DNAH6: variants seen among roughly 807,000 people sequenced by gnomAD.
DNAH6 encodes axonemal beta dynein heavy chain 6.
A neutral mutation model predicts 491.4 loss-of-function variants in DNAH6; 340 were observed. That is an observed-to-expected ratio of 0.69 (90% CI 0.63 to 0.76). The LOEUF (loss-of-function observed/expected upper bound fraction) is 0.76. Ranked by LOEUF, DNAH6 falls within the 30% of genes least tolerant of loss-of-function variation. The probability of loss-of-function intolerance (pLI) is 0.00; values close to 1 mark genes in which losing one functional copy is unlikely to be tolerated. For missense variants in DNAH6, 4,443 were observed against 4,972.2 expected (o/e 0.89, Z 3.20); for synonymous variants, 1,603 against 1,686.1 (o/e 0.95, Z 1.21).
rs1243956708 is a variant in DNAH6, at chr2:84,733,462, G to A, written c.10225G>A (p.Glu3409Lys). Residue 3409 changes from glutamate (E) to lysine (K), a missense_variant, in exon 62 of 77, where the codon GAA becomes AAA. Glu to Lys is a moderately conservative substitution (Grantham distance 56, BLOSUM62 1). Coordinates refer to ENST00000389394, the MANE Select transcript of DNAH6 (RefSeq NM_001370.2). ...CAAACAGGAACGCCCACCTAAGCCT[G>A]AAGCTCCCTGGCTACCTACTGCTAC... The part of the protein sequence containing the change: ...GLEKERPPKP[E>K]APWLPTATWF... 2 of 1,551,164 alleles carry A rather than the reference G, an allele frequency of 1.3e-6. No individual in the cohort carries two copies. The highest frequency in any genetic ancestry group is 1.7e-6 in the Non-Finnish European group (2 of 1,146,744).
chr2:84,599,140 C>A (rs376962693), intron 18 of DNAH6, among the ~76,000 whole-genome samples: 1 of 150,998 alleles, frequency 6.6e-6, no homozygotes, highest in East Asian at 1.9e-4. Context: ...GATTAAATGT[C>A]TGTTCAGATC....
rs1017595906 is a variant in DNAH6 at position 84,812,658 on chromosome 2, A to G, written c.11925+132A>G. 4 of 784,352 alleles carry G rather than the reference A, an allele frequency of 5.1e-6. No homozygotes were observed. In the Admixed American group the frequency reaches 8.7e-5, roughly 17 times the overall value. 48.6% of individuals were successfully genotyped at this position (784,352 alleles called of 1,614,324 possible). On this transcript the variant is annotated intron_variant, in intron 73 of 76. Coordinates refer to ENST00000389394, the MANE Select transcript of DNAH6 (RefSeq NM_001370.2). ...TGAGCCCAGAGAAAAAGAGATGTCC[A>G]GAATGGCATCACTTTAAAAGTCTTA... is the stretch of plus-strand genomic sequence containing the variant.
At chr2:84,679,953 A>C (rs950336811) in intron 41 of DNAH6, among the ~76,000 whole-genome samples, 1 of 152,222 alleles carries the variant, frequency 6.6e-6, no homozygotes, top group African/African-American at 2.4e-5. Flanking sequence ...TTTTACATAC[A>C]TATAACATAT....
chr2:84,817,218 G>A (rs919215342), intron 76 of DNAH6, among the ~76,000 whole-genome samples: 16 of 151,718 alleles, frequency 1.1e-4, no homozygotes, highest in African/African-American at 3.9e-4. Context: ...TAACCAAAGA[G>A]AAGAGACAAT....
the DNAH6 span, among the ~76,000 whole-genome samples, chr2:84,478,495 G>A: frequency 2.0e-5 from 3 of 152,174 alleles, no homozygotes; most frequent in Admixed American, 1.3e-4. Flanking sequence ...CACCTCTGAA[G>A]GGGAGGTTCC....
intron 62 of DNAH6, among the ~76,000 whole-genome samples, chr2:84,737,883 T>C (rs1014508014): frequency 2.6e-5 from 4 of 152,056 alleles, no homozygotes; most frequent in African/African-American, 9.7e-5. Context: ...TGGAGTTTCA[T>C]TTGTTTTATT....
intron 54 of DNAH6, 115 bp from the exon 55 acceptor site, chr2:84,709,228 C>A (rs965190474): frequency 1.9e-6 from 2 of 1,034,618 alleles, no homozygotes; most frequent in Non-Finnish European, 2.9e-6. Flanking sequence ...TCTGTGGAGA[C>A]TGGGAGGGCT....
the DNAH6 span, among the ~76,000 whole-genome samples, chr2:84,465,149 G>A: frequency 0.068 from 10,287 of 152,184 alleles, 767 homozygotes; most frequent in African/African-American, 0.18. Flanking sequence ...CATTCATAAC[G>A]CTTGAGTTTT....
intron 63 of DNAH6, among the ~76,000 whole-genome samples, chr2:84,747,251 CCAAGG>C (rs1673052131): frequency 6.6e-6 from 1 of 152,232 alleles, no homozygotes; most frequent in Non-Finnish European, 1.5e-5. Context: ...CATCTAAGAC[CCAAGG>C]CAAGTTCCTT....
In DNAH6 at chr2:84,765,175, T is replaced by A. The variant is rs545208200; in HGVS notation, c.10703+2230T>A. ...TATTATTTAGGAATTCATATTTTTT[T>A]AAAAAGTGTAAAGAAAGGTAGAGAA... On this transcript the variant is annotated intron_variant, in intron 64 of 76. Coordinates refer to ENST00000389394, the MANE Select transcript of DNAH6 (RefSeq NM_001370.2). Among the ~76,000 whole-genome samples the A allele has an allele frequency of 3.8e-4, 58 of 152,166 alleles. 1 individual carries two copies. In the East Asian group the frequency reaches 4.0e-3, roughly 11 times the overall value.
chr2:84,598,127 T>TTTTCTTTTTCTTTC (rs1553438007), intron 18 of DNAH6, among the ~76,000 whole-genome samples: 2 of 109,314 alleles, frequency 1.8e-5, no homozygotes. Flanking sequence ...TCTATCTTTC[T>TTTTCTTTTTCTTTC]TTTCTTTCTT....
chr2:84,756,019 C>T (rs1447874651), intron 63 of DNAH6, among the ~76,000 whole-genome samples: 3 of 152,230 alleles, frequency 2.0e-5, no homozygotes, highest in Non-Finnish European at 4.4e-5. Flanking sequence ...ACTTGCCATG[C>T]CATGATTGTG....
At chr2:84,561,354 G>T (rs950416178) in intron 11 of DNAH6, among the ~76,000 whole-genome samples, 4 of 152,132 alleles carry the variant, frequency 2.6e-5, no homozygotes, top group African/African-American at 7.2e-5. Context: ...GCTGAAACTG[G>T]ATCCCTTCCT....
intron 24 of DNAH6, 43 bp downstream of exon 24, chr2:84,619,947 T>C (rs751411754): frequency 1.4e-4 from 201 of 1,471,450 alleles, no homozygotes; most frequent in Non-Finnish European, 1.8e-4. Context: ...TGAACTTTGC[T>C]ACTCCTCTAG....
chr2:84,708,003 C>T (rs1257097958), intron 54 of DNAH6, among the ~76,000 whole-genome samples: 1 of 152,180 alleles, frequency 6.6e-6, no homozygotes, highest in Non-Finnish European at 1.5e-5. Context: ...GAGTCCCCTA[C>T]CCTTATGATC....
rs138502803 is a variant in DNAH6 at position 84,579,666 on chromosome 2, A to C, written c.2216A>C (p.Glu739Ala). The C allele has an allele frequency of 6.3e-7, 1 of 1,586,030 alleles. No homozygotes were observed. The highest frequency in any genetic ancestry group is 8.6e-7 in the Non-Finnish European group (1 of 1,169,334). The change falls in exon 14 of 77, where the codon GAA becomes GCA. Residue 739 changes from glutamate (E) to alanine (A), a missense_variant. By Grantham distance (107) the Glu-to-Ala change is moderately radical. This residue lies in a region of DNAH6 where 2,977 missense variants were observed against 3,296.6 expected (regional missense o/e 0.90). Coordinates refer to ENST00000389394, the MANE Select transcript of DNAH6 (RefSeq NM_001370.2). The part of the protein sequence containing the change: ...EYVHSLLFLD[E>A]IQERIESLED... ...GTTCATAGCTTATTATTTCTTGATG[A>C]AATTCAGGAACGGGTGAGTTGATTA...
At chr2:84,477,545 G>T in the DNAH6 span, among the ~76,000 whole-genome samples, 1 of 152,158 alleles carries the variant, frequency 6.6e-6, no homozygotes. Flanking sequence ...AGTGGGGATG[G>T]GGGGATAGCA....
chr2:84,573,327 T>C, intron 11 of DNAH6, 140 bp from the exon 12 acceptor site: 1 of 592,744 alleles, frequency 1.7e-6, no homozygotes, highest in Non-Finnish European at 2.8e-6. Flanking sequence ...TATATCTTTC[T>C]TCATTCATGT....
intron 29 of DNAH6, among the ~76,000 whole-genome samples, chr2:84,627,520 G>T (rs1399436905): frequency 6.6e-6 from 1 of 152,152 alleles, no homozygotes; most frequent in Non-Finnish European, 1.5e-5. Context: ...AACTGATCAT[G>T]GCTTAATACA....
Sources: gnomAD v4.1 joint callset for allele counts (sites outside exome capture counted in the v4.1 genomes callset) on GRCh38, gnomAD v4.1.1 for gene constraint, gnomAD v4.1.1 regional missense constraint, MANE v1.5 for transcripts, NCBI Gene and HGNC (gene_info 2026-07-23, HGNC 2026-07-21) for gene names.